HS6ST3: variants seen among roughly 807,000 people sequenced by gnomAD.
HS6ST3 encodes heparan sulfate 6-O-sulfotransferase 3.
HS6ST3 carries 12 observed loss-of-function variants against 36.7 expected under a neutral mutation model. That is an observed-to-expected ratio of 0.33 (90% CI 0.21 to 0.53). HS6ST3 has a LOEUF of 0.53. HS6ST3 is among the 20% of genes least tolerant of loss of function. The pLI is 0.95. For missense variants in HS6ST3, 584 were observed against 640.9 expected (o/e 0.91, Z 0.96); for synonymous variants, 240 against 257.5 (o/e 0.93, Z 0.65).
chr13:96,326,328 T>G, intron 1 of HS6ST3, among the ~76,000 whole-genome samples: 1 of 53,686 alleles, frequency 1.9e-5, no homozygotes, highest in Non-Finnish European at 3.4e-5. Context: ...CCCTCCCCCC[T>G]CCCCCCACCC....
chr13:96,192,352 T>C (rs1039388398), intron 1 of HS6ST3, among the ~76,000 whole-genome samples: 2 of 152,164 alleles, frequency 1.3e-5, no homozygotes, highest in Non-Finnish European at 2.9e-5. Context: ...ATGGATATAT[T>C]TCATGCTGGT....
At chr13:96,700,310 C>T (rs1594839712) in intron 1 of HS6ST3, among the ~76,000 whole-genome samples, 2 of 152,248 alleles carry the variant, frequency 1.3e-5, no homozygotes, top group Middle Eastern at 3.4e-3. Flanking sequence ...TATCACATCT[C>T]GTGAGACTTA....
At chr13:96,590,221 T>C (rs529259952) in intron 1 of HS6ST3, among the ~76,000 whole-genome samples, 59 of 152,264 alleles carry the variant, frequency 3.9e-4, no homozygotes, top group African/African-American at 1.4e-3. Flanking sequence ...GAAAGGTGGA[T>C]AGTATAGTAG....
chr13:96,469,807 G>C (rs2055832274), intron 1 of HS6ST3, among the ~76,000 whole-genome samples: 1 of 152,098 alleles, frequency 6.6e-6, no homozygotes, highest in Admixed American at 6.6e-5. Flanking sequence ...GGCAGGTTAT[G>C]GCAGTGACTT....
At chr13:96,371,384 A>G (rs2139441221) in intron 1 of HS6ST3, among the ~76,000 whole-genome samples, 1 of 152,308 alleles carries the variant, frequency 6.6e-6, no homozygotes, top group East Asian at 1.9e-4. Flanking sequence ...ATGTTTTGAT[A>G]TACATGTACA....
intron 1 of HS6ST3, among the ~76,000 whole-genome samples, chr13:96,534,018 T>A (rs2056145729): frequency 6.6e-6 from 1 of 152,200 alleles, no homozygotes; most frequent in Non-Finnish European, 1.5e-5. Context: ...CAAATGACTC[T>A]TGGATCTCAG....
At chr13:96,206,649 A>G (rs535587911) in intron 1 of HS6ST3, among the ~76,000 whole-genome samples, 38 of 152,328 alleles carry the variant, frequency 2.5e-4, no homozygotes, top group Non-Finnish European at 3.7e-4. Flanking sequence ...CTCAGAAATA[A>G]GATCACACAT....
intron 1 of HS6ST3, among the ~76,000 whole-genome samples, chr13:96,690,904 C>T (rs904508804): frequency 5.3e-5 from 8 of 152,052 alleles, no homozygotes; most frequent in East Asian, 1.9e-4. Flanking sequence ...AGAATGAATG[C>T]GTACCTAATA....
intron 1 of HS6ST3, among the ~76,000 whole-genome samples, chr13:96,688,213 TATA>T (rs536989647): frequency 1.3e-5 from 1 of 75,050 alleles, no homozygotes; most frequent in Non-Finnish European, 3.8e-5. Flanking sequence ...GAACTTAAAG[TATA>T]ATAATAATAA....
chr13:96,773,153 AT>A (rs780675167), intron 1 of HS6ST3, among the ~76,000 whole-genome samples: 5 of 152,210 alleles, frequency 3.3e-5, no homozygotes, highest in Non-Finnish European at 7.3e-5. Flanking sequence ...TGCTTTTACC[AT>A]GGTCTTTGCA....
intron 1 of HS6ST3, among the ~76,000 whole-genome samples, chr13:96,575,161 T>C (rs777391210): frequency 5.9e-5 from 9 of 152,174 alleles, no homozygotes; most frequent in Non-Finnish European, 1.3e-4. Context: ...ATTTTCATTT[T>C]CATCCCACTC....
At chr13:96,300,642 G>T (rs1377270332) in intron 1 of HS6ST3, among the ~76,000 whole-genome samples, 1 of 151,920 alleles carries the variant, frequency 6.6e-6, no homozygotes, top group African/African-American at 2.4e-5. Context: ...CATTTATCTG[G>T]CTTTTAAAAA....
At chr13:96,570,257 G>A (rs2056296257) in intron 1 of HS6ST3, among the ~76,000 whole-genome samples, 1 of 151,918 alleles carries the variant, frequency 6.6e-6, no homozygotes, top group African/African-American at 2.4e-5. Context: ...TCTTAATTTG[G>A]GGCCTACATT....
chr13:96,249,969 A>G (rs911789961), intron 1 of HS6ST3, among the ~76,000 whole-genome samples: 1 of 152,142 alleles, frequency 6.6e-6, no homozygotes, highest in African/African-American at 2.4e-5. Context: ...TTTAGTGGGT[A>G]CCAAGTTTAA....
At position 96,837,788 on chromosome 13, in the gene HS6ST3, A is replaced by T. The variant is rs1878966810; in HGVS notation, c.*4590A>T. 1 of 151,896 alleles carries T rather than the reference A, an allele frequency of 6.6e-6. No individual in the cohort carries two copies. 9.4% of individuals were successfully genotyped at this position (151,896 alleles called of 1,614,324 possible). A position where few individuals can be genotyped will look rare whatever the true frequency, so the allele number is the denominator to read the frequency against. The stretch of plus-strand genomic sequence containing the variant: ...ACCTATTCAATATGAAGGCCGAGGG[A>T]ATGTGCTCACAACTCCCTATTAAGG... On this transcript the variant is annotated 3_prime_UTR_variant, in exon 2 of 2. Transcript: ENST00000376705.
intron 1 of HS6ST3, among the ~76,000 whole-genome samples, chr13:96,261,477 A>G (rs1352379902): frequency 6.6e-6 from 1 of 152,136 alleles, no homozygotes; most frequent in Non-Finnish European, 1.5e-5. Context: ...ATGTTAGTAA[A>G]CATCCTTGAT....
At chr13:96,275,013 T>G (rs2054741203) in intron 1 of HS6ST3, among the ~76,000 whole-genome samples, 1 of 152,070 alleles carries the variant, frequency 6.6e-6, no homozygotes, top group African/African-American at 2.4e-5. Flanking sequence ...CAGCCACACC[T>G]TAGCACAGTG....
At chr13:96,524,458 GC>G (rs907249383) in intron 1 of HS6ST3, among the ~76,000 whole-genome samples, 2 of 152,200 alleles carry the variant, frequency 1.3e-5, no homozygotes, top group African/African-American at 4.8e-5. Context: ...GATATACCCT[GC>G]CCCCAGAGGT....
intron 1 of HS6ST3, among the ~76,000 whole-genome samples, chr13:96,289,618 A>G (rs1278313547): frequency 6.6e-6 from 1 of 152,240 alleles, no homozygotes; most frequent in African/African-American, 2.4e-5. Flanking sequence ...CAAGAGGAAG[A>G]TTAATCATAC....
Sources: allele counts gnomAD v4.1 joint callset (sites outside exome capture counted in the v4.1 genomes callset), GRCh38; gene constraint gnomAD v4.1.1; transcripts MANE v1.5; gene names NCBI Gene and HGNC (gene_info 2026-07-23, HGNC 2026-07-21).